IGF2R: variants seen among roughly 807,000 people sequenced by gnomAD.
IGF2R encodes the protein cation-independent mannose-6-phosphate receptor.
In IGF2R, 91 loss-of-function variants were observed where a neutral mutation model predicts 270.6. That is an observed-to-expected ratio of 0.34 (90% CI 0.28 to 0.40). The LOEUF (loss-of-function observed/expected upper bound fraction) is 0.40, where lower values mean the gene tolerates loss of function less well. IGF2R is among the 10% of genes least tolerant of loss of function. The pLI is 1.00. For missense variants in IGF2R, 2,805 were observed against 3,188.3 expected (o/e 0.88, Z 2.90); for synonymous variants, 1,316 against 1,258.9 (o/e 1.05, Z -0.96).
Position 160,105,078 on chromosome 6 carries a change from C to T in IGF2R, c.7470C>T (p.His2490=), listed in dbSNP as rs745765200. ...ACGACAGCGACGAGGACCTCTTACA[C>T]ATCTGACTCCGCAGTGCCTGCAGGG... ...FHDDSDEDLL[H]I Residue 2490 remains histidine, a synonymous_variant, in exon 48 of 48, where the codon CAC becomes CAT. Transcript: ENST00000356956. The T allele has an allele frequency of 3.8e-6, 6 of 1,573,868 alleles. No homozygotes were observed. Among genetic ancestry groups the T allele is most frequent in the Non-Finnish European group, 5.2e-6 (6 of 1,159,126 alleles).
rs535807651 is a variant in IGF2R at position 160,045,119 on chromosome 6, G to C, written c.1765+462G>C. 7.2e-5 allele frequency among the ~76,000 whole-genome samples: 11 copies of C among 152,284 alleles called. No individual in the cohort carries two copies. In the South Asian group the frequency reaches 2.3e-3, roughly 32 times the overall value. ...AAATCTTAATGTTTCTCAAAGTGTA[G>C]TATTTTGTAAATACTTTTCTATGTT... is the stretch of plus-strand genomic sequence containing the variant. On this transcript the variant is annotated intron_variant, in intron 13 of 47. Transcript: ENST00000356956.
At chr6:160,015,248 T>C (rs1227893402) in intron 4 of IGF2R, among the ~76,000 whole-genome samples, 1 of 152,168 alleles carries the variant, frequency 6.6e-6, no homozygotes, top group African/African-American at 2.4e-5. Context: ...CCACAGAAAA[T>C]AATAAAACTA....
At chr6:160,027,126 G>T in intron 5 of IGF2R, 59 bp from the exon 6 acceptor site, 1 of 1,583,614 alleles carries the variant, frequency 6.3e-7, no homozygotes, top group Non-Finnish European at 8.7e-7. Context: ...GGGTCTAAGG[G>T]TACGTGTGAT....
At position 160,107,998 on chromosome 6, in the gene IGF2R, G is replaced by A. The variant is rs1352466261; in HGVS notation, c.*2914G>A. 6.6e-6 allele frequency: 1 copy of A among 152,238 alleles called. No homozygotes were observed. The highest frequency in any genetic ancestry group is 6.5e-5 in the Admixed American group (1 of 15,284). 9.4% of individuals were successfully genotyped at this position (152,238 alleles called of 1,614,324 possible). A position where few individuals can be genotyped will look rare whatever the true frequency, so the allele number is the denominator to read the frequency against. ...TGGGCTGGTCCGATCCATTGTACAA[G>A]TTAAAGCACTGATGGGTACACAGGT... On this transcript the variant is annotated 3_prime_UTR_variant, in exon 48 of 48. Transcript: ENST00000356956.
At chr6:160,080,303 A>G (rs199647199) in intron 39 of IGF2R, 28 bp downstream of exon 39, 313 of 1,607,354 alleles carry the variant, frequency 1.9e-4, no homozygotes, top group Non-Finnish European at 2.4e-4. Context: ...GCGTCCCCAC[A>G]TGGCCTGGGG....
At position 160,050,442 on chromosome 6, in the gene IGF2R, G is replaced by A. The variant is rs1778168536; in HGVS notation, c.2515-31G>A. The A allele has an allele frequency of 1.3e-6, 2 of 1,586,932 alleles. No homozygotes were observed. Among genetic ancestry groups the A allele is most frequent in the Non-Finnish European group, 1.7e-6 (2 of 1,160,642 alleles). The stretch of plus-strand genomic sequence containing the variant: ...AACGAATCGACTGTATCTTCAGGGG[G>A]AAAAGCCTAACAAGACTGGTTTTCT... On this transcript the variant is annotated intron_variant, in intron 18 of 47. Coordinates refer to ENST00000356956, the MANE Select transcript of IGF2R (RefSeq NM_000876.4). This position sits in a 1 kb window ranked among gnomAD's most constrained non-coding sequence, Gnocchi z 4.0.
At chr6:160,078,882 T>G (rs900661316) in intron 37 of IGF2R, among the ~76,000 whole-genome samples, 2 of 152,152 alleles carry the variant, frequency 1.3e-5, no homozygotes, top group African/African-American at 4.8e-5. Flanking sequence ...AGCCCTGGCG[T>G]GTGCTGATTC....
chr6:160,048,524 T>C lies in IGF2R; in HGVS notation c.2495T>C (p.Met832Thr), dbSNP rs757228085. ...AACCGATATGCATCGGCTTGCCAGA[T>C]GAAGTATGAAAAAGATCAGGTGAAT... ...GCNRYASACQMKYEKDQGSFT... is the reference protein window; with the variant it reads ...GCNRYASACQTKYEKDQGSFT... Residue 832 changes from methionine to threonine, a missense_variant, in exon 18 of 48, where the codon ATG becomes ACG. By Grantham distance (81) the Met-to-Thr change is moderately conservative (BLOSUM62 -1). This residue lies in a region of IGF2R where 1,851 missense variants were observed against 2,207.2 expected (regional missense o/e 0.84). Transcript: ENST00000356956. 6.2e-7 allele frequency: 1 copy of C among 1,613,696 alleles called. No homozygotes were observed. Among genetic ancestry groups the C allele is most frequent in the East Asian group, 2.2e-5 (1 of 44,880 alleles).
Position 160,079,806 on chromosome 6 carries a change from G to A in IGF2R, c.5686+19G>A. 6.9e-7 allele frequency: 1 copy of A among 1,449,508 alleles called. No individual in the cohort carries two copies. The highest frequency in any genetic ancestry group is 9.1e-7 in the Non-Finnish European group (1 of 1,094,134). The allele number at this position is 1,449,508 out of a possible 1,614,324, so 89.8% of individuals were successfully genotyped here. A position where few individuals can be genotyped will look rare whatever the true frequency, so the allele number is the denominator to read the frequency against. Reference sequence around the variant, plus strand: ...CCTCCAGGTAAATATTTGCAATGAGGTAAATAAACTTCAAGCTCATAGTAA... The same window carrying A: ...CCTCCAGGTAAATATTTGCAATGAGATAAATAAACTTCAAGCTCATAGTAA... On this transcript the variant is annotated intron_variant, in intron 38 of 47. Transcript: ENST00000356956.
At position 160,032,709 on chromosome 6, in the gene IGF2R, C is replaced by T. The variant is rs8191763; in HGVS notation, c.1041C>T (p.Ser347=). The change falls in exon 8 of 48, where the codon AGC becomes AGT. Residue 347 remains serine, a synonymous_variant. Transcript: ENST00000356956. ...TAGACCTCACACCACTTGCCCAGAGCGGAGGTAAGCAGGTGCTTTCTGCCT... is the reference window on the plus strand; with the variant it reads ...TAGACCTCACACCACTTGCCCAGAGTGGAGGTAAGCAGGTGCTTTCTGCCT... ...VSIDLTPLAQ[S]GGSSYISDGK... is the part of the protein sequence containing the mutation. The T allele has an allele frequency of 3.1e-4, 494 of 1,613,466 alleles. 3 individuals are homozygous for T. The East Asian group carries it at 9.3e-3, about 30-fold the overall frequency.
At chr6:160,015,097 T>TAGTGGGTTAG (rs1777255099) in intron 4 of IGF2R, among the ~76,000 whole-genome samples, 1 of 152,214 alleles carries the variant, frequency 6.6e-6, no homozygotes, top group African/African-American at 2.4e-5. Context: ...GGAAAAAGGT[T>TAGTGGGTTAG]AGTGGGTTAG....
chr6:160,070,212 C>T (rs115613745), intron 31 of IGF2R, among the ~76,000 whole-genome samples, 154 bp downstream of exon 31: 138 of 152,330 alleles, frequency 9.1e-4, no homozygotes, highest in African/African-American at 3.3e-3. Flanking sequence ...ACAGCGTCGC[C>T]GCGGCCTGCA....
chr6:160,061,397 G>A, intron 23 of IGF2R, 106 bp from the exon 24 acceptor site: 3 of 987,024 alleles, frequency 3.0e-6, no homozygotes, highest in Non-Finnish European at 3.1e-6. Context: ...TCACAGTTAG[G>A]AATGCCAGGT....
At chr6:160,079,514 TTCTC>T in intron 37 of IGF2R, 62 bp from the exon 38 acceptor site, 1 of 1,164,372 alleles carries the variant, frequency 8.6e-7, no homozygotes, top group Non-Finnish European at 1.1e-6. Context: ...GCAATAGTGG[TTCTC>T]TCTTCACTTT....
Position 159,979,441 on chromosome 6 carries a change from C to T in IGF2R, c.149+10046C>T, listed in dbSNP as rs144502093. On this transcript the variant is annotated intron_variant, in intron 1 of 47. Coordinates refer to ENST00000356956, the MANE Select transcript of IGF2R (RefSeq NM_000876.4). ...CTCCACCTGCTCTCTGCTCTCGAAG[C>T]GTCAGTTATACCAGCACTTCTCTCT... Among the ~76,000 whole-genome samples the T allele has an allele frequency of 1.9e-4, 29 of 152,300 alleles. No homozygotes were observed. In the East Asian group the frequency reaches 5.2e-3, roughly 27 times the overall value.
chr6:160,029,997 A>C (rs1777659393), intron 7 of IGF2R, among the ~76,000 whole-genome samples: 1 of 152,146 alleles, frequency 6.6e-6, no homozygotes, highest in Non-Finnish European at 1.5e-5. Flanking sequence ...GTTTTAGTGA[A>C]TAGTGGAAAA....
rs549487819 is a variant in IGF2R at position 160,096,359 on chromosome 6, T to C, written c.6656-80T>C. 1.7e-4 allele frequency: 229 copies of C among 1,339,928 alleles called. No individual in the cohort carries two copies. The African/African-American group carries it at 3.0e-3, about 17-fold the overall frequency. The allele number at this position is 1,339,928 out of a possible 1,614,324, so 83.0% of individuals were successfully genotyped here. The stretch of plus-strand genomic sequence containing the variant: ...CCTGATTTTAAGTCTTTGCAAACTT[T>C]TTAGACCGTAAGGAGCTAAGCTCAG... On this transcript the variant is annotated intron_variant, in intron 44 of 47. Coordinates refer to ENST00000356956, the MANE Select transcript of IGF2R (RefSeq NM_000876.4).
rs1435649032 is a variant in IGF2R, at chr6:160,073,845, G to A, written c.5036G>A (p.Ser1679Asn). Residue 1679 changes from serine to asparagine, a missense_variant, in exon 35 of 48, where the codon AGT (serine) becomes AAT (asparagine). By Grantham distance (46) the Ser-to-Asn change is conservative (BLOSUM62 1). Transcript: ENST00000356956. The stretch of plus-strand genomic sequence containing the variant: ...GGTGGTTATGAGGCTTATGATGAGA[G>A]TGAGGATGATGCCTCCGATACCAAC... ...RTGGYEAYDE[S>N]EDDASDTNPD... 1.2e-6 allele frequency: 2 copies of A among 1,614,034 alleles called. No homozygotes were observed. Among genetic ancestry groups the A allele is most frequent in the East Asian group, 2.2e-5 (1 of 44,878 alleles).
intron 4 of IGF2R, among the ~76,000 whole-genome samples, chr6:160,012,769 T>A (rs200175639): frequency 0.32 from 28,419 of 89,762 alleles, 5,017 homozygotes; most frequent in East Asian, 0.78. Context: ...ATATATTTTT[T>A]TTTTTTTTTG....
Sources: allele counts gnomAD v4.1 joint callset (sites outside exome capture counted in the v4.1 genomes callset), GRCh38; gene constraint gnomAD v4.1.1; regional missense constraint gnomAD v4.1.1; non-coding constraint Gnocchi (gnomAD v3.1); transcripts MANE v1.5; gene names NCBI Gene and HGNC (gene_info 2026-07-23, HGNC 2026-07-21).